RPS6KC1: variants seen among roughly 807,000 people sequenced by gnomAD.
RPS6KC1 encodes the protein ribosomal protein S6 kinase C1, also known as inactive ribosomal protein S6 kinase delta-1.
A neutral mutation model predicts 103.8 loss-of-function variants in RPS6KC1; 54 were observed. The ratio of observed to expected loss-of-function variants is 0.52; its 90% CI spans 0.42 to 0.65. RPS6KC1 has a LOEUF of 0.65. Among genes scored for constraint, RPS6KC1 ranks in the 30% least tolerant of loss-of-function variants. The pLI, the probability that RPS6KC1 is intolerant of heterozygous loss-of-function variation, is 0.00. For missense variants in RPS6KC1, 1,151 were observed against 1,253.8 expected (o/e 0.92, Z 1.24); for synonymous variants, 439 against 438.7 (o/e 1.00, Z -0.01).
chr1:213,188,284 A>C (rs2841425), intron 8 of RPS6KC1, among the ~76,000 whole-genome samples: 125,473 of 151,726 alleles, frequency 0.83, 52,728 homozygotes, highest in African/African-American at 0.95. Flanking sequence ...CTTACCTTTT[A>C]CAGTTATAGA....
intron 3 of RPS6KC1, among the ~76,000 whole-genome samples, chr1:213,100,234 A>G (rs1036277428): frequency 2.0e-5 from 3 of 151,906 alleles, no homozygotes; most frequent in African/African-American, 7.3e-5. Flanking sequence ...ATTTTTTCAC[A>G]TGCTTATTAG....
chr1:213,125,626 T>TTTG (rs1011376296), intron 5 of RPS6KC1: 2 of 145,816 alleles, frequency 1.4e-5, no homozygotes, highest in African/African-American at 5.0e-5. Context: ...TTTTATCTGC[T>TTTG]TGTGTGTGTG....
intron 3 of RPS6KC1, among the ~76,000 whole-genome samples, chr1:213,080,962 T>G (rs1404067537): frequency 6.6e-6 from 1 of 152,258 alleles, no homozygotes; most frequent in Non-Finnish European, 1.5e-5. Flanking sequence ...TTGTTACAAT[T>G]ACTGTGCCAA....
intron 1 of RPS6KC1, among the ~76,000 whole-genome samples, chr1:213,054,595 A>G (rs2077189107): frequency 6.6e-6 from 1 of 152,172 alleles, no homozygotes; most frequent in Non-Finnish European, 1.5e-5. Flanking sequence ...TATATTTTTG[A>G]TCCTTGCAGG....
the RPS6KC1 span, among the ~76,000 whole-genome samples, chr1:213,424,989 T>G: frequency 6.6e-6 from 1 of 152,154 alleles, no homozygotes; most frequent in Admixed American, 6.5e-5. Context: ...CCAGCCACTT[T>G]GTCCCTTCCT....
chr1:213,246,338 G>A (rs1017022650), intron 12 of RPS6KC1, among the ~76,000 whole-genome samples: 13 of 152,158 alleles, frequency 8.5e-5, no homozygotes, highest in African/African-American at 3.1e-4. Context: ...CCACAAAGTA[G>A]GAACAGATTG....
At chr1:213,624,731 G>T in the RPS6KC1 span, among the ~76,000 whole-genome samples, 2 of 152,124 alleles carry the variant, frequency 1.3e-5, no homozygotes, top group South Asian at 2.1e-4. Flanking sequence ...TGGTGCTCAG[G>T]ATCCCTCTTT....
the RPS6KC1 span, among the ~76,000 whole-genome samples, chr1:213,423,270 T>G: frequency 6.6e-6 from 1 of 152,220 alleles, no homozygotes; most frequent in Non-Finnish European, 1.5e-5. Context: ...CAGCCCAGGA[T>G]GAGAGAGAAA....
chr1:213,373,388 C>T, the RPS6KC1 span, among the ~76,000 whole-genome samples: 1 of 152,234 alleles, frequency 6.6e-6, no homozygotes, highest in South Asian at 2.1e-4. Context: ...CGGCACGATG[C>T]ATTTGGGTTT....
chr1:213,515,560 G>T, the RPS6KC1 span, among the ~76,000 whole-genome samples: 474 of 152,278 alleles, frequency 3.1e-3, 2 homozygotes, highest in African/African-American at 0.011. Flanking sequence ...CATTATTTCT[G>T]AGGGCTCTGT....
intron 8 of RPS6KC1, among the ~76,000 whole-genome samples, chr1:213,215,822 A>G (rs537530641): frequency 6.6e-6 from 1 of 152,318 alleles, no homozygotes; most frequent in Admixed American, 6.5e-5. Context: ...AAAGACAAGC[A>G]AATGCTGAGA....
the RPS6KC1 span, among the ~76,000 whole-genome samples, chr1:213,695,646 A>G: frequency 6.6e-6 from 1 of 152,246 alleles, no homozygotes; most frequent in Non-Finnish European, 1.5e-5. Context: ...TCCAGGACTT[A>G]TAGGATCACA....
the RPS6KC1 span, among the ~76,000 whole-genome samples, chr1:213,832,054 C>A: frequency 6.6e-6 from 1 of 152,264 alleles, no homozygotes; most frequent in African/African-American, 2.4e-5. Context: ...TAACCAAGAC[C>A]CATGTATTTG....
At chr1:213,591,626 T>G in the RPS6KC1 span, among the ~76,000 whole-genome samples, 5 of 152,148 alleles carry the variant, frequency 3.3e-5, no homozygotes, top group Non-Finnish European at 7.3e-5. Flanking sequence ...GGCTCCAACT[T>G]CTCACTTCTT....
At chr1:213,773,234 A>ATCT in the RPS6KC1 span, among the ~76,000 whole-genome samples, 1 of 151,344 alleles carries the variant, frequency 6.6e-6, no homozygotes, top group Admixed American at 6.6e-5. Context: ...TTCAAGGGGA[A>ATCT]TCTTCCCTGT....
the RPS6KC1 span, among the ~76,000 whole-genome samples, chr1:213,523,849 C>T: frequency 6.6e-6 from 1 of 152,142 alleles, no homozygotes; most frequent in Non-Finnish European, 1.5e-5. Flanking sequence ...ATGAAAGGGC[C>T]TTGGTTGGAG....
the RPS6KC1 span, among the ~76,000 whole-genome samples, chr1:213,568,544 G>GC: frequency 6.6e-6 from 1 of 152,160 alleles, no homozygotes; most frequent in African/African-American, 2.4e-5. Context: ...GGGACAAAGA[G>GC]TCAGACCAAC....
chr1:213,406,226 C>T, the RPS6KC1 span, among the ~76,000 whole-genome samples: 1 of 152,168 alleles, frequency 6.6e-6, no homozygotes, highest in Non-Finnish European at 1.5e-5. Flanking sequence ...GAGCAGGCTG[C>T]AGGAGGGATG....
At chr1:213,146,444 A>G (rs1362131492) in intron 6 of RPS6KC1, among the ~76,000 whole-genome samples, 2 of 141,866 alleles carry the variant, frequency 1.4e-5, no homozygotes, top group Non-Finnish European at 3.0e-5. Flanking sequence ...TTTTTTTGAG[A>G]CAGAGTCTTG....
Sources: gnomAD v4.1 joint callset for allele counts (sites outside exome capture counted in the v4.1 genomes callset) on GRCh38, gnomAD v4.1.1 for gene constraint, MANE v1.5 for transcripts, NCBI Gene and HGNC (gene_info 2026-07-23, HGNC 2026-07-21) for gene names.